Variants in OCA2 observed in about 807,000 individuals in gnomAD.
The protein encoded by OCA2 is OCA2 melanosomal transmembrane protein, also known as P protein.
Under a neutral mutation model 100.2 loss-of-function variants are expected in OCA2, and 77 were observed. That is an observed-to-expected ratio of 0.77 (90% confidence interval 0.64 to 0.93). The LOEUF (loss-of-function observed/expected upper bound fraction) is 0.93. OCA2 is among the 40% of genes least tolerant of loss of function. The pLI is 0.00. For synonymous variants in OCA2, 432 were observed against 439.2 expected (o/e 0.98, Z 0.21); for missense variants, 1,062 against 1,089.1 (o/e 0.98, Z 0.35).
At chr15:27,938,295 G>T (rs1420674749) in intron 18 of OCA2, among the ~76,000 whole-genome samples, 4 of 152,138 alleles carry the variant, frequency 2.6e-5, no homozygotes, top group Non-Finnish European at 5.9e-5. Flanking sequence ...CAGCTTACGT[G>T]CCACCTAAGA....
intron 19 of OCA2, among the ~76,000 whole-genome samples, chr15:27,900,652 T>C (rs9806480): frequency 0.072 from 11,011 of 152,218 alleles, 1,344 homozygotes; most frequent in African/African-American, 0.25. Flanking sequence ...GCTCCACATG[T>C]CTTGTGACCA....
At chr15:27,899,009 C>T (rs1471888671) in intron 19 of OCA2, among the ~76,000 whole-genome samples, 1 of 152,064 alleles carries the variant, frequency 6.6e-6, no homozygotes, top group Non-Finnish European at 1.5e-5. Flanking sequence ...ATCAATATAT[C>T]TCATAAAGTT....
At chr15:27,739,365 T>A in the OCA2 span, among the ~76,000 whole-genome samples, 1 of 152,006 alleles carries the variant, frequency 6.6e-6, no homozygotes, top group African/African-American at 2.4e-5. Context: ...TTTAAGTTGT[T>A]CCTTGGAGAA....
chr15:28,055,958 G>A (rs2043680062), intron 2 of OCA2, among the ~76,000 whole-genome samples: 1 of 152,184 alleles, frequency 6.6e-6, no homozygotes, highest in African/African-American at 2.4e-5. Flanking sequence ...ACCGGGATCT[G>A]ACTGGGGGAG....
intron 1 of OCA2, among the ~76,000 whole-genome samples, chr15:28,084,243 A>C (rs1484102855): frequency 6.6e-6 from 1 of 152,212 alleles, no homozygotes; most frequent in East Asian, 1.9e-4. Flanking sequence ...CAGCCTCCCA[A>C]ACTGTGAGAA....
In OCA2 at chr15:27,921,526, AAC is replaced by A. The variant is rs766384443; in HGVS notation, c.2079+4599_2079+4600del. Among the ~76,000 whole-genome samples, 225 of 150,114 alleles carry A rather than the reference AAC, an allele frequency of 1.5e-3. 1 individual carries two copies. Among genetic ancestry groups the A allele is most frequent in the African/African-American group, 4.5e-3 (186 of 41,080 alleles). On this transcript the variant is annotated intron_variant, in intron 19 of 23. Transcript: ENST00000354638. ...AAGAATTGTAGGAAAGATACACACA[AAC>A]ACACACACACACACACAAACTGACC...
intron 23 of OCA2, chr15:27,775,808 C>G (rs1423279047): frequency 6.6e-6 from 1 of 152,206 alleles, no homozygotes; most frequent in Non-Finnish European, 1.5e-5. Context: ...TGTAGGGATC[C>G]CAATCCCCTC....
intron 2 of OCA2, among the ~76,000 whole-genome samples, chr15:28,068,415 T>C (rs1048196362): frequency 1.3e-5 from 2 of 152,168 alleles, no homozygotes; most frequent in African/African-American, 2.4e-5. Context: ...TAGGAAGAGA[T>C]TGAAAACCTG....
At chr15:28,009,257 A>C (rs997859354) in intron 9 of OCA2, among the ~76,000 whole-genome samples, 1 of 152,198 alleles carries the variant, frequency 6.6e-6, no homozygotes, top group African/African-American at 2.4e-5. Flanking sequence ...TTGGGTTTTC[A>C]CAAGTTGTTG....
chr15:27,998,074 A>G (rs1006399829), intron 9 of OCA2, among the ~76,000 whole-genome samples: 19 of 148,392 alleles, frequency 1.3e-4, no homozygotes, highest in African/African-American at 3.9e-4. Context: ...CTTAAACGTT[A>G]GACCTAAAAC....
chr15:28,017,169 C>A (rs141181448), intron 7 of OCA2, among the ~76,000 whole-genome samples: 3 of 152,134 alleles, frequency 2.0e-5, no homozygotes, highest in Non-Finnish European at 2.9e-5. Context: ...AAGAAGCACA[C>A]GCATGAGAGA....
intron 1 of OCA2, among the ~76,000 whole-genome samples, chr15:28,094,736 C>T (rs74007950): frequency 0.022 from 3,343 of 152,282 alleles, 121 homozygotes; most frequent in African/African-American, 0.077. Context: ...CCGGGCCCCT[C>T]CTGCCGCCCC....
chr15:27,897,378 C>T (rs1427469815), intron 19 of OCA2, among the ~76,000 whole-genome samples: 1 of 152,094 alleles, frequency 6.6e-6, no homozygotes, highest in Non-Finnish European at 1.5e-5. Context: ...CCAGCACCTC[C>T]CTGCTCTGTG....
chr15:28,066,193 TA>T (rs1336777488), intron 2 of OCA2, among the ~76,000 whole-genome samples: 9 of 152,190 alleles, frequency 5.9e-5, no homozygotes, highest in African/African-American at 1.9e-4. Flanking sequence ...TCTTACAAAA[TA>T]TGTCCAACAC....
intron 9 of OCA2, among the ~76,000 whole-genome samples, chr15:28,005,210 T>A (rs2042056049): frequency 6.6e-6 from 1 of 152,032 alleles, no homozygotes; most frequent in Admixed American, 6.5e-5. Context: ...GGAGGCTGAT[T>A]CCATGGAAAT....
At chr15:27,752,113 T>A (rs1157603831), downstream of OCA2, among the ~76,000 whole-genome samples, 3 of 152,178 alleles carry the variant, frequency 2.0e-5, no homozygotes, top group Non-Finnish European at 4.4e-5. Context: ...GTGTCAAAGG[T>A]AAGGCACAGC....
At chr15:28,034,345 A>T (rs914013049) in intron 2 of OCA2, among the ~76,000 whole-genome samples, 3 of 152,166 alleles carry the variant, frequency 2.0e-5, no homozygotes, top group Admixed American at 6.5e-5. Flanking sequence ...GTAAATGGAA[A>T]ACATAAAGAT....
intron 19 of OCA2, among the ~76,000 whole-genome samples, chr15:27,895,004 C>T (rs781305017): frequency 3.9e-5 from 6 of 152,190 alleles, no homozygotes; most frequent in Non-Finnish European, 5.9e-5. Flanking sequence ...GATGATGACA[C>T]TCATACCACA....
chr15:27,912,081 G>T (rs2038418892), intron 19 of OCA2, among the ~76,000 whole-genome samples: 1 of 152,184 alleles, frequency 6.6e-6, no homozygotes. Flanking sequence ...AGAGCAAGAG[G>T]CAAATCTTAT....
Sources: allele counts gnomAD v4.1 joint callset (sites outside exome capture counted in the v4.1 genomes callset), GRCh38; gene constraint gnomAD v4.1.1; transcripts MANE v1.5; gene names NCBI Gene and HGNC (gene_info 2026-07-23, HGNC 2026-07-21).